Variants in NOL4 observed in about 807,000 individuals in gnomAD.
NOL4 encodes nucleolar protein 4.
NOL4 carries 17 observed loss-of-function variants against 75.9 expected under a neutral mutation model. The observed-to-expected ratio is 0.22, with a 90% CI of 0.15 to 0.34. NOL4 has a LOEUF of 0.34. Among genes scored for constraint, NOL4 ranks in the 10% least tolerant of loss-of-function variants. The pLI is 1.00. For synonymous variants in NOL4, 292 were observed against 289.9 expected, an observed-to-expected ratio of 1.01 and a Z score of -0.07; for missense variants, 614 against 793.5, an observed-to-expected ratio of 0.77 and a Z score of 2.72.
At chr18:34,061,057 C>A (rs900454802) in intron 5 of NOL4, among the ~76,000 whole-genome samples, 2 of 152,056 alleles carry the variant, frequency 1.3e-5, no homozygotes, top group Non-Finnish European at 2.9e-5. Context: ...GACGCTGACA[C>A]GCCCTAAGAG....
rs75512403 is a variant in NOL4 at position 33,930,694 on chromosome 18, T to C, written c.1542+12371A>G. Among the ~76,000 whole-genome samples, 841 of 152,292 alleles carry C rather than the reference T, an allele frequency of 5.5e-3. 13 individuals carry two copies. Among genetic ancestry groups the C allele is most frequent in the African/African-American group, 0.019 (807 of 41,568 alleles). ...AAAGCACACATTTTTTAGGACTCTC[T>C]AGCCTGACATTTTTGTGCATTCTGT... On this transcript the variant is annotated intron_variant, in intron 9 of 10. Coordinates refer to ENST00000261592, the MANE Select transcript of NOL4 (RefSeq NM_003787.5).
At chr18:34,019,095 TA>T (rs2074878972) in intron 6 of NOL4, among the ~76,000 whole-genome samples, 5 of 152,174 alleles carry the variant, frequency 3.3e-5, no homozygotes, top group Admixed American at 6.6e-5. Context: ...TCTCCGGATC[TA>T]AAAACACCCA....
At chr18:34,221,774 C>T (rs1349951428) in intron 1 of NOL4, among the ~76,000 whole-genome samples, 1 of 152,112 alleles carries the variant, frequency 6.6e-6, no homozygotes, top group African/African-American at 2.4e-5. Context: ...AAAGACCCTT[C>T]CAAATAATGC....
chr18:34,157,604 G>C (rs572777920), intron 1 of NOL4, among the ~76,000 whole-genome samples: 1 of 150,732 alleles, frequency 6.6e-6, no homozygotes, highest in Non-Finnish European at 1.5e-5. Context: ...AAAAGGCCCA[G>C]GAAAATATGC....
intron 5 of NOL4, among the ~76,000 whole-genome samples, chr18:34,026,788 C>T (rs183829442): frequency 1.2e-3 from 182 of 152,030 alleles, no homozygotes; most frequent in African/African-American, 4.0e-3. Flanking sequence ...AATTAATTAC[C>T]GTCAGTAACA....
intron 9 of NOL4, among the ~76,000 whole-genome samples, chr18:33,890,768 T>G (rs7228146): frequency 0.21 from 31,621 of 152,086 alleles, 3,513 homozygotes; most frequent in African/African-American, 0.24. Context: ...ATCTGTTGTT[T>G]CTGGAAGTGT....
chr18:34,144,215 C>T (rs1055501678), intron 1 of NOL4, among the ~76,000 whole-genome samples: 1 of 152,118 alleles, frequency 6.6e-6, no homozygotes, highest in South Asian at 2.1e-4. Flanking sequence ...TATCATTCAA[C>T]CTTTGGTAAT....
intron 9 of NOL4, among the ~76,000 whole-genome samples, chr18:33,900,984 G>T (rs1213500005): frequency 6.6e-6 from 1 of 152,162 alleles, no homozygotes; most frequent in Non-Finnish European, 1.5e-5. Flanking sequence ...ATAAGTAAAT[G>T]AGTACTTGTA....
At position 34,046,056 on chromosome 18, in the gene NOL4, G is replaced by A. The variant is rs539142067; in HGVS notation, c.773-26455C>T. Among the ~76,000 whole-genome samples, 7 of 152,190 alleles carry A rather than the reference G, an allele frequency of 4.6e-5. No individual in the cohort carries two copies. In the South Asian group the frequency reaches 1.2e-3, roughly 27 times the overall value. ...TGAGTGTTCCCTAGCAGAGGTTTCT[G>A]TTGTAAATTTCCTGTCTATTCCTTC... On this transcript the variant is annotated intron_variant, in intron 5 of 10. Coordinates refer to ENST00000261592, the MANE Select transcript of NOL4 (RefSeq NM_003787.5).
At chr18:33,906,205 G>A (rs745611623) in intron 9 of NOL4, among the ~76,000 whole-genome samples, 26 of 152,074 alleles carry the variant, frequency 1.7e-4, no homozygotes, top group Non-Finnish European at 2.1e-4. Context: ...AGTATTTGTC[G>A]GAGAGTCATG....
At chr18:34,014,649 C>G (rs923995716) in intron 6 of NOL4, among the ~76,000 whole-genome samples, 7 of 151,878 alleles carry the variant, frequency 4.6e-5, no homozygotes, top group African/African-American at 1.7e-4. Flanking sequence ...ATTTTCCAAG[C>G]TCTTTATCAT....
intron 5 of NOL4, among the ~76,000 whole-genome samples, chr18:34,040,526 C>T (rs1011057308): frequency 1.3e-5 from 2 of 151,768 alleles, no homozygotes; most frequent in African/African-American, 4.8e-5. Context: ...CTTTATTAAT[C>T]AATTGAACTT....
intron 6 of NOL4, among the ~76,000 whole-genome samples, chr18:33,976,512 T>C (rs139728483): frequency 5.3e-5 from 8 of 152,288 alleles, no homozygotes; most frequent in African/African-American, 1.7e-4. Flanking sequence ...ATGGCAAACT[T>C]CATCTTTTGA....
chr18:33,954,519 T>G lies in NOL4; in HGVS notation c.1428+2807A>C, dbSNP rs1302868382. ...TAGAAGAAGAAGAAGAGATGTAACT[T>G]TTTTTGATATCTGAGAACTTTTTTT... On this transcript the variant is annotated intron_variant, in intron 8 of 10. Coordinates refer to ENST00000261592, the MANE Select transcript of NOL4 (RefSeq NM_003787.5). Among the ~76,000 whole-genome samples the G allele has an allele frequency of 5.4e-5, 8 of 149,064 alleles. No individual in the cohort carries two copies. In the East Asian group the frequency reaches 1.4e-3, roughly 25 times the overall value.
intron 9 of NOL4, among the ~76,000 whole-genome samples, chr18:33,920,672 C>T (rs1259617902): frequency 1.3e-5 from 2 of 152,010 alleles, no homozygotes; most frequent in Non-Finnish European, 2.9e-5. Flanking sequence ...TTAGTAGACT[C>T]CAGGAAGAGA....
chr18:34,057,229 C>G (rs2076868478), intron 5 of NOL4, among the ~76,000 whole-genome samples: 1 of 152,138 alleles, frequency 6.6e-6, no homozygotes, highest in Non-Finnish European at 1.5e-5. Flanking sequence ...CCCCTCCCCA[C>G]CACCATGTAC....
At chr18:34,111,038 G>A (rs913417170) in intron 2 of NOL4, among the ~76,000 whole-genome samples, 1 of 151,966 alleles carries the variant, frequency 6.6e-6, no homozygotes, top group African/African-American at 2.4e-5. Context: ...AATATACCAA[G>A]AACACACAAA....
chr18:34,141,769 ATGGGC>A (rs2081175276), intron 1 of NOL4, among the ~76,000 whole-genome samples: 1 of 152,226 alleles, frequency 6.6e-6, no homozygotes, highest in Non-Finnish European at 1.5e-5. Context: ...GGACATAGGC[ATGGGC>A]AAGGACTTCA....
intron 6 of NOL4, among the ~76,000 whole-genome samples, chr18:33,995,521 T>C (rs2073213848): frequency 6.6e-6 from 1 of 151,576 alleles, no homozygotes; most frequent in Admixed American, 6.6e-5. Flanking sequence ...AAAAAGCATT[T>C]GACAAAATCC....
Sources: allele counts gnomAD v4.1 joint callset (sites outside exome capture counted in the v4.1 genomes callset), GRCh38; gene constraint gnomAD v4.1.1; transcripts MANE v1.5; gene names NCBI Gene and HGNC (gene_info 2026-07-23, HGNC 2026-07-21).